ANKS1B: variants seen among roughly 807,000 people sequenced by gnomAD.
ANKS1B encodes the protein ankyrin repeat and sterile alpha motif domain containing 1B.
ANKS1B carries 36 observed loss-of-function variants against 148.3 expected under a neutral mutation model. The ratio of observed to expected loss-of-function variants is 0.24; its 90% CI spans 0.19 to 0.32. The LOEUF (loss-of-function observed/expected upper bound fraction) is 0.32, where lower values mean the gene tolerates loss of function less well. Ranked by LOEUF, ANKS1B falls within the 10% of genes least tolerant of loss-of-function variation. ANKS1B has a pLI of 1.00. For synonymous variants in ANKS1B, 542 were observed against 560.8 expected (o/e 0.97, Z 0.47); for missense variants, 1,157 against 1,542.6 (o/e 0.75, Z 4.19).
At position 99,830,419 on chromosome 12, in the gene ANKS1B, C is replaced by T. The variant is rs186524266; in HGVS notation, c.135-5030G>A. On this transcript the variant is annotated intron_variant, in intron 1 of 26. Transcript: ENST00000683438. ...ATGGAATATTTTACGGAAAACTCAA[C>T]TAAAAGTTCTAAATTTGATTTAGAA... 7.9e-3 allele frequency among the ~76,000 whole-genome samples: 1,208 copies of T among 151,984 alleles called. 15 individuals carry two copies. Among genetic ancestry groups the T allele is most frequent in the African/African-American group, 0.028 (1,142 of 41,458 alleles).
At chr12:98,962,816 G>A (rs893009158) in intron 17 of ANKS1B, among the ~76,000 whole-genome samples, 1 of 151,996 alleles carries the variant, frequency 6.6e-6, no homozygotes, top group Non-Finnish European at 1.5e-5. Flanking sequence ...AAAAACACAC[G>A]GAAATTAAAT....
chr12:99,173,624 T>A (rs1230056835), intron 14 of ANKS1B, among the ~76,000 whole-genome samples: 1 of 152,182 alleles, frequency 6.6e-6, no homozygotes, highest in Non-Finnish European at 1.5e-5. Context: ...TATAAACATA[T>A]AATTAGGTAA....
intron 8 of ANKS1B, among the ~76,000 whole-genome samples, chr12:99,747,920 G>C (rs2060748707): frequency 1.3e-5 from 2 of 152,114 alleles, no homozygotes; most frequent in South Asian, 4.1e-4. Flanking sequence ...CCTAAAATCT[G>C]AAAGTCAGGA....
At chr12:99,921,231 G>A (rs1284547144) in intron 1 of ANKS1B, among the ~76,000 whole-genome samples, 2 of 152,114 alleles carry the variant, frequency 1.3e-5, no homozygotes, top group South Asian at 4.1e-4. Flanking sequence ...CCCCCATGCT[G>A]TTCTCATGAT....
At chr12:99,208,146 T>C (rs1304831318) in intron 14 of ANKS1B, among the ~76,000 whole-genome samples, 4 of 152,116 alleles carry the variant, frequency 2.6e-5, no homozygotes, top group African/African-American at 9.7e-5. Flanking sequence ...CTGTACTTTA[T>C]CAAGATGATT....
intron 1 of ANKS1B, among the ~76,000 whole-genome samples, chr12:99,955,150 C>T (rs1227784861): frequency 6.6e-6 from 1 of 152,148 alleles, no homozygotes; most frequent in East Asian, 1.9e-4. Context: ...GTCTTTAATC[C>T]TTGTTTTCTG....
intron 4 of ANKS1B, among the ~76,000 whole-genome samples, chr12:99,801,683 G>A (rs2066971517): frequency 6.6e-6 from 1 of 152,108 alleles, no homozygotes; most frequent in Non-Finnish European, 1.5e-5. Context: ...TTTAAAAGAT[G>A]AGAAATATTA....
chr12:99,193,935 G>A (rs1225110603), intron 14 of ANKS1B, among the ~76,000 whole-genome samples: 2 of 150,282 alleles, frequency 1.3e-5, no homozygotes, highest in Admixed American at 6.7e-5. Context: ...CTGAGTAGCC[G>A]GGACTATAGG....
At chr12:98,895,212 G>A (rs1008206881) in intron 17 of ANKS1B, 6 of 985,034 alleles carry the variant, frequency 6.1e-6, no homozygotes, top group Middle Eastern at 1.0e-3. Context: ...TAGCACTGGG[G>A]GTTGCCGGCG....
At chr12:99,870,206 C>T (rs2091327271) in intron 1 of ANKS1B, among the ~76,000 whole-genome samples, 1 of 152,172 alleles carries the variant, frequency 6.6e-6, no homozygotes, top group South Asian at 2.1e-4. Context: ...TGGTTTTCTG[C>T]TCCTGCATTA....
chr12:99,719,362 A>T (rs1193133405), intron 8 of ANKS1B, among the ~76,000 whole-genome samples: 1 of 151,944 alleles, frequency 6.6e-6, no homozygotes, highest in African/African-American at 2.4e-5. Flanking sequence ...CCAGCCTCCC[A>T]CATTATTCCT....
chr12:99,790,403 A>G (rs2065498310), intron 4 of ANKS1B, among the ~76,000 whole-genome samples: 1 of 152,120 alleles, frequency 6.6e-6, no homozygotes, highest in South Asian at 2.1e-4. Context: ...GGAAATTAAT[A>G]AGCAATAAGA....
In ANKS1B at chr12:99,542,879, A is replaced by C. The variant is rs186102169; in HGVS notation, c.1273-38238T>G. 2.7e-3 allele frequency among the ~76,000 whole-genome samples: 417 copies of C among 152,248 alleles called. 1 individual carries two copies. The highest frequency in any genetic ancestry group is 8.8e-3 in the African/African-American group (365 of 41,586). On this transcript the variant is annotated intron_variant, in intron 9 of 26. Transcript: ENST00000683438. The stretch of plus-strand genomic sequence containing the variant: ...CCTAAACGAAAGGGTAAACTCTACA[A>C]AACTCTTGGGGAAGAAGTATAGATA...
intron 9 of ANKS1B, among the ~76,000 whole-genome samples, chr12:98,736,253 CA>C: frequency 6.6e-6 from 1 of 152,214 alleles, no homozygotes; most frequent in Non-Finnish European, 1.5e-5. Flanking sequence ...ATCATCCGGA[CA>C]AAATGAAGGT....
chr12:99,945,615 G>A (rs1380772021), intron 1 of ANKS1B, among the ~76,000 whole-genome samples: 1 of 152,162 alleles, frequency 6.6e-6, no homozygotes, highest in Non-Finnish European at 1.5e-5. Flanking sequence ...CCTCAGGGAT[G>A]CCCACAGATA....
intron 8 of ANKS1B, among the ~76,000 whole-genome samples, chr12:99,676,400 TATA>T (rs979499752): frequency 5.9e-5 from 9 of 152,200 alleles, no homozygotes; most frequent in East Asian, 5.8e-4. Flanking sequence ...CCAAATTGTC[TATA>T]ATAAGAAAAA....
chr12:98,876,862 T>C (rs1390560582), intron 17 of ANKS1B, among the ~76,000 whole-genome samples: 1 of 152,238 alleles, frequency 6.6e-6, no homozygotes, highest in Non-Finnish European at 1.5e-5. Context: ...GACTGCTTTC[T>C]TTAAAAATGC....
chr12:99,905,316 G>A lies in ANKS1B; in HGVS notation c.134+78788C>T, dbSNP rs962238812. ...CACTCACATCCAGAGACCATGGAAG[G>A]GAGTGGAAGTTTGGTCAATTAAAAA... On this transcript the variant is annotated intron_variant, in intron 1 of 26. Coordinates refer to ENST00000683438, the MANE Select transcript of ANKS1B (RefSeq NM_001352186.2). Among the ~76,000 whole-genome samples, 3 of 152,306 alleles carry A rather than the reference G, an allele frequency of 2.0e-5. No homozygotes were observed. In the South Asian group the frequency reaches 6.2e-4, roughly 32 times the overall value.
At chr12:99,727,340 C>A (rs1026462028) in intron 8 of ANKS1B, among the ~76,000 whole-genome samples, 2 of 151,750 alleles carry the variant, frequency 1.3e-5, no homozygotes, top group African/African-American at 4.8e-5. Flanking sequence ...TCCTATACAC[C>A]AACAATAGAC....
Sources: allele counts gnomAD v4.1 joint callset (sites outside exome capture counted in the v4.1 genomes callset), GRCh38; gene constraint gnomAD v4.1.1; transcripts MANE v1.5; gene names NCBI Gene and HGNC (gene_info 2026-07-23, HGNC 2026-07-21).